The following CREM variants were observed in gnomAD, a reference collection of about 807,000 sequenced individuals.
The protein encoded by CREM is cAMP-responsive element modulator.
Under a neutral mutation model 37.3 loss-of-function variants are expected in CREM, and 13 were observed. The observed-to-expected ratio is 0.35, with a 90% CI of 0.23 to 0.55. The LOEUF (loss-of-function observed/expected upper bound fraction) is 0.55. Ranked by LOEUF, CREM falls within the 20% of genes least tolerant of loss-of-function variation. The probability of loss-of-function intolerance (pLI) is 0.88; values close to 1 mark genes in which losing one functional copy is unlikely to be tolerated. For synonymous variants in CREM, 124 were observed against 120.2 expected (o/e 1.03, Z -0.21); for missense variants, 296 against 362.3 (o/e 0.82, Z 1.49).
At chr10:35,178,523 TG>T (rs1325908558) in intron 3 of CREM, among the ~76,000 whole-genome samples, 10 of 152,240 alleles carry the variant, frequency 6.6e-5, no homozygotes, top group African/African-American at 2.4e-4. Flanking sequence ...GGCCCCTCGC[TG>T]GCTCCCTCCT....
rs1430996205 is a variant in CREM at position 35,207,119 on chromosome 10, G to A, written c.755+68G>A. 13 of 1,525,748 alleles carry A rather than the reference G, an allele frequency of 8.5e-6. No homozygotes were observed. The East Asian group carries it at 1.6e-4, about 19-fold the overall frequency. The allele number at this position is 1,525,748 out of a possible 1,614,324, so 94.5% of individuals were successfully genotyped here. On this transcript the variant is annotated intron_variant, in intron 7 of 7. Transcript: ENST00000685392. ...TTAAAAATTACAGTTTTCACCGGGC[G>A]CAGTGGCTCACGCCTGTAATCCCAG...
At chr10:35,127,398 C>G (rs1161687738) in intron 1 of CREM, 1 of 151,908 alleles carries the variant, frequency 6.6e-6, no homozygotes. Flanking sequence ...GCCCCTCGCT[C>G]GGCGCCCCCG....
chr10:35,191,450 T>G (rs995982529), intron 6 of CREM, among the ~76,000 whole-genome samples: 1 of 151,944 alleles, frequency 6.6e-6, no homozygotes, highest in Non-Finnish European at 1.5e-5. Context: ...TTTCTTTTCC[T>G]TAAATAATCA....
rs2095663887 is a variant in CREM at position 35,211,456 on chromosome 10, C to T, written c.*58C>T. 1.3e-6 allele frequency: 2 copies of T among 1,574,212 alleles called. No individual in the cohort carries two copies. Among genetic ancestry groups the T allele is most frequent in the Non-Finnish European group, 1.7e-6 (2 of 1,158,614 alleles). Reference sequence around the variant, plus strand: ...CAAGGCAGGAGATGCAGCAGTCCTACTTATTGCCATGTGGACTTGTGGGAA... The same window carrying T: ...CAAGGCAGGAGATGCAGCAGTCCTATTTATTGCCATGTGGACTTGTGGGAA... On this transcript the variant is annotated 3_prime_UTR_variant, in exon 8 of 8. Coordinates refer to ENST00000685392, the MANE Select transcript of CREM (RefSeq NM_183011.2).
Position 35,133,429 on chromosome 10 carries a change from G to C in CREM, c.-54-4353G>C, listed in dbSNP as rs1020025254. ...TTCTCCTGCCTCAGCCTCCCAAGTAGCTGGGATTACAGGTGCCTGCCACCG... is the reference window on the plus strand; with the variant it reads ...TTCTCCTGCCTCAGCCTCCCAAGTACCTGGGATTACAGGTGCCTGCCACCG... On this transcript the variant is annotated intron_variant, in intron 1 of 7. Coordinates refer to ENST00000685392, the MANE Select transcript of CREM (RefSeq NM_183011.2). Among the ~76,000 whole-genome samples the C allele has an allele frequency of 4.0e-5, 6 of 151,632 alleles. No individual in the cohort carries two copies. The East Asian group carries it at 1.2e-3, about 29-fold the overall frequency.
chr10:35,175,957 A>G, intron 3 of CREM: 1 of 1,551,400 alleles, frequency 6.4e-7, no homozygotes, highest in Non-Finnish European at 8.7e-7. Flanking sequence ...TTCAGACACC[A>G]CAGCCATGGG....
At chr10:35,211,173 C>G in intron 7 of CREM, 81 bp from the exon 8 acceptor site, 2 of 1,485,972 alleles carry the variant, frequency 1.3e-6, no homozygotes, top group Non-Finnish European at 9.1e-7. Flanking sequence ...CTGTTGAGTT[C>G]GGGGGGCAGA....
At chr10:35,193,445 T>C (rs1428811777) in intron 6 of CREM, among the ~76,000 whole-genome samples, 1 of 152,176 alleles carries the variant, frequency 6.6e-6, no homozygotes, top group Non-Finnish European at 1.5e-5. Context: ...AAAAATCAAT[T>C]TCTTATTGAT....
intron 2 of CREM, among the ~76,000 whole-genome samples, chr10:35,139,358 G>T (rs998203684): frequency 3.9e-5 from 6 of 152,130 alleles, no homozygotes; most frequent in Admixed American, 3.9e-4. Context: ...GACCTCAGGT[G>T]ATCCACCTGC....
chr10:35,175,537 G>C (rs2094015028), intron 3 of CREM: 1 of 741,612 alleles, frequency 1.3e-6, no homozygotes, highest in Non-Finnish European at 2.3e-6. Context: ...AGGCTTCACT[G>C]TTAGTAGGCG....
chr10:35,161,247 G>T (rs562071654), intron 3 of CREM, among the ~76,000 whole-genome samples: 1 of 151,716 alleles, frequency 6.6e-6, no homozygotes, highest in Non-Finnish European at 1.5e-5. Flanking sequence ...AGCTATTCGC[G>T]TGCCTCAGCC....
chr10:35,190,975 A>G (rs796653165), intron 6 of CREM, among the ~76,000 whole-genome samples: 1 of 152,100 alleles, frequency 6.6e-6, no homozygotes, highest in East Asian at 1.9e-4. Context: ...ACTGCATTTA[A>G]TTTAGGGAGA....
chr10:35,170,323 T>C (rs1482442398), intron 3 of CREM, among the ~76,000 whole-genome samples: 2 of 152,166 alleles, frequency 1.3e-5, no homozygotes, highest in Non-Finnish European at 2.9e-5. Flanking sequence ...TGAGGATTTT[T>C]GCATCGATGT....
At chr10:35,185,791 T>G (rs2094532907) in intron 5 of CREM, among the ~76,000 whole-genome samples, 1 of 152,240 alleles carries the variant, frequency 6.6e-6, no homozygotes, top group Admixed American at 6.5e-5. Context: ...ATTCTGTAAC[T>G]GACTCTTCAG....
intron 6 of CREM, among the ~76,000 whole-genome samples, chr10:35,192,124 C>T (rs529850429): frequency 6.6e-5 from 10 of 152,284 alleles, no homozygotes; most frequent in Non-Finnish European, 7.4e-5. Flanking sequence ...CTACAGTCTC[C>T]GGCAGCCACC....
intron 6 of CREM, among the ~76,000 whole-genome samples, chr10:35,204,678 C>T (rs1173865616): frequency 6.6e-6 from 1 of 151,666 alleles, no homozygotes; most frequent in Non-Finnish European, 1.5e-5. Flanking sequence ...GCAGTACAAC[C>T]TTATAAACAA....
chr10:35,187,176 T>TATATTATATA (rs1564922957), intron 5 of CREM, among the ~76,000 whole-genome samples: 1 of 45,056 alleles, frequency 2.2e-5, no homozygotes, highest in African/African-American at 7.0e-5. Context: ...TATATTAATA[T>TATATTATATA]TAATATATAA....
intron 7 of CREM, among the ~76,000 whole-genome samples, chr10:35,207,865 G>T (rs1257897770): frequency 1.3e-5 from 2 of 152,164 alleles, no homozygotes; most frequent in African/African-American, 4.8e-5. Flanking sequence ...TGTGTTATTA[G>T]ATTGTCTTCC....
intron 3 of CREM, among the ~76,000 whole-genome samples, chr10:35,149,444 C>G (rs1219534023): frequency 6.6e-6 from 1 of 152,070 alleles, no homozygotes; most frequent in Admixed American, 6.5e-5. Flanking sequence ...TTAGAGTACA[C>G]TGTACTCTAA....
Sources: gnomAD v4.1 joint callset for allele counts (sites outside exome capture counted in the v4.1 genomes callset) on GRCh38, gnomAD v4.1.1 for gene constraint, MANE v1.5 for transcripts, NCBI Gene and HGNC (gene_info 2026-07-23, HGNC 2026-07-21) for gene names.